Variants in PHF24 observed in about 807,000 individuals in gnomAD.
PHF24 encodes PHD finger protein 24.
PHF24 carries 25 observed loss-of-function variants against 42.6 expected under a neutral mutation model. That is an observed-to-expected ratio of 0.59 (90% confidence interval 0.43 to 0.82). The LOEUF (loss-of-function observed/expected upper bound fraction) is 0.82, where lower values mean the gene tolerates loss of function less well. PHF24 is among the 40% of genes least tolerant of loss of function. PHF24 has a pLI of 0.00. For synonymous variants in PHF24, 185 were observed against 204.8 expected, an observed-to-expected ratio of 0.90 and a Z score of 0.83; for missense variants, 470 against 538.1, an observed-to-expected ratio of 0.87 and a Z score of 1.25.
the PHF24 span, among the ~76,000 whole-genome samples, chr9:34,793,396 A>C: frequency 6.6e-6 from 1 of 152,240 alleles, no homozygotes; most frequent in African/African-American, 2.4e-5. Flanking sequence ...TGGACTATTC[A>C]AAAGCCTTTT....
chr9:34,767,484 C>T, the PHF24 span, among the ~76,000 whole-genome samples: 1 of 151,636 alleles, frequency 6.6e-6, no homozygotes, highest in African/African-American at 2.4e-5. Flanking sequence ...CAGCGAGACT[C>T]CGTGCGCGTA....
chr9:34,804,274 G>A, the PHF24 span, among the ~76,000 whole-genome samples: 17 of 152,184 alleles, frequency 1.1e-4, no homozygotes, highest in African/African-American at 3.6e-4. Context: ...TTGAGGTGAT[G>A]TGAGGAAGGA....
At chr9:34,893,136 G>C in the PHF24 span, 1 of 706,348 alleles carries the variant, frequency 1.4e-6, no homozygotes, top group South Asian at 3.8e-5. Context: ...CTTCCTTCCT[G>C]AGGAAGCCAG....
At chr9:34,875,006 A>G in the PHF24 span, among the ~76,000 whole-genome samples, 4 of 152,168 alleles carry the variant, frequency 2.6e-5, no homozygotes, top group Admixed American at 1.3e-4. Context: ...AAAATATACA[A>G]TTATTACTGA....
At chr9:34,909,565 A>G in the PHF24 span, among the ~76,000 whole-genome samples, 6 of 151,430 alleles carry the variant, frequency 4.0e-5, no homozygotes, top group African/African-American at 1.5e-4. Flanking sequence ...TAAGTGAACT[A>G]TTTACAGAGA....
chr9:34,752,262 C>T, the PHF24 span, among the ~76,000 whole-genome samples: 1 of 151,932 alleles, frequency 6.6e-6, no homozygotes, highest in Non-Finnish European at 1.5e-5. Flanking sequence ...AAAAAGTTGA[C>T]TTTTTGAAAA....
upstream of PHF24, among the ~76,000 whole-genome samples, chr9:34,955,663 T>C (rs1388869616): frequency 6.6e-6 from 1 of 152,154 alleles, no homozygotes; most frequent in Non-Finnish European, 1.5e-5. Flanking sequence ...GGCAACAGAA[T>C]GAGACTCTGT....
At chr9:34,955,029 C>T (rs148960529), upstream of PHF24, among the ~76,000 whole-genome samples, 12 of 152,292 alleles carry the variant, frequency 7.9e-5, no homozygotes, top group South Asian at 2.1e-4. Flanking sequence ...TAATTTTACA[C>T]GACAGCACAG....
the PHF24 span, among the ~76,000 whole-genome samples, chr9:34,938,789 TAGTC>T: frequency 1.8e-4 from 27 of 147,014 alleles, no homozygotes; most frequent in African/African-American, 3.7e-4. Flanking sequence ...AAAAAAAAAT[TAGTC>T]AGGCGTGGTG....
chr9:34,947,848 C>A, the PHF24 span, among the ~76,000 whole-genome samples: 1 of 152,134 alleles, frequency 6.6e-6, no homozygotes, highest in Non-Finnish European at 1.5e-5. Context: ...GTGGCTCACA[C>A]CTGTAATCCC....
the PHF24 span, among the ~76,000 whole-genome samples, chr9:34,852,896 C>G: frequency 6.6e-6 from 1 of 152,110 alleles, no homozygotes; most frequent in Non-Finnish European, 1.5e-5. Context: ...TACAGGTGTG[C>G]CCCACCACAC....
At chr9:34,835,322 A>G in the PHF24 span, 3 of 1,551,694 alleles carry the variant, frequency 1.9e-6, no homozygotes, top group Admixed American at 3.9e-5. Context: ...TTGGTAATAC[A>G]ATGGTGGGTT....
the PHF24 span, among the ~76,000 whole-genome samples, chr9:34,829,680 T>C: frequency 6.6e-6 from 1 of 152,152 alleles, no homozygotes; most frequent in African/African-American, 2.4e-5. Context: ...GGTATTACTA[T>C]GCATTAGCTA....
chr9:34,931,808 C>T, the PHF24 span, among the ~76,000 whole-genome samples: 16 of 152,032 alleles, frequency 1.1e-4, no homozygotes, highest in African/African-American at 3.9e-4. Context: ...TTCTTTATGG[C>T]AATGTGAGAA....
At chr9:34,973,463 A>C (rs1159141817) in intron 3 of PHF24, among the ~76,000 whole-genome samples, 1 of 152,234 alleles carries the variant, frequency 6.6e-6, no homozygotes, top group African/African-American at 2.4e-5. Flanking sequence ...GACAGAGTCT[A>C]AGGTTTCCAT....
At chr9:34,928,663 T>A in the PHF24 span, among the ~76,000 whole-genome samples, 1 of 152,204 alleles carries the variant, frequency 6.6e-6, no homozygotes, top group Admixed American at 6.5e-5. Flanking sequence ...CCTTCTCCTA[T>A]GGGAGCACAG....
the PHF24 span, among the ~76,000 whole-genome samples, chr9:34,932,452 A>G: frequency 2.0e-5 from 3 of 152,160 alleles, no homozygotes; most frequent in Non-Finnish European, 4.4e-5. Flanking sequence ...AGGATGTCAT[A>G]ATTACCTCTT....
the PHF24 span, among the ~76,000 whole-genome samples, chr9:34,820,460 C>T: frequency 1.0e-3 from 157 of 152,232 alleles, no homozygotes; most frequent in Middle Eastern, 3.4e-3. Context: ...TGTTTAGCTT[C>T]CCACTTATAA....
the PHF24 span, among the ~76,000 whole-genome samples, chr9:34,872,133 A>G: frequency 6.6e-6 from 1 of 151,964 alleles, no homozygotes; most frequent in Non-Finnish European, 1.5e-5. Context: ...GTTTATACCT[A>G]TGTATTTCTT....
Sources: allele counts gnomAD v4.1 joint callset (sites outside exome capture counted in the v4.1 genomes callset), GRCh38; gene constraint gnomAD v4.1.1; transcripts MANE v1.5; gene names NCBI Gene and HGNC (gene_info 2026-07-23, HGNC 2026-07-21).